IQCM: variants seen among roughly 807,000 people sequenced by gnomAD.
IQCM encodes the protein IQ motif containing M.
In IQCM, 45 loss-of-function variants were observed where a neutral mutation model predicts 57.6. The observed-to-expected ratio is 0.78, with a 90% CI of 0.62 to 1.00. The LOEUF (loss-of-function observed/expected upper bound fraction) is 1.00, where lower values mean the gene tolerates loss of function less well. Among genes scored for constraint, IQCM ranks in the 50% least tolerant of loss-of-function variants. The probability of loss-of-function intolerance (pLI) is 0.00; values close to 1 mark genes in which losing one functional copy is unlikely to be tolerated. For synonymous variants in IQCM, 148 were observed against 158.9 expected, an observed-to-expected ratio of 0.93 and a Z score of 0.51; for missense variants, 468 against 511.6, an observed-to-expected ratio of 0.91 and a Z score of 0.82.
chr4:149,492,198 T>C lies in IQCM; in HGVS notation c.1228+56257A>G, dbSNP rs567696258. Among the ~76,000 whole-genome samples, 26 of 152,236 alleles carry C rather than the reference T, an allele frequency of 1.7e-4. No homozygotes were observed. The South Asian group carries it at 4.3e-3, about 25-fold the overall frequency. ...TTTGCAAGTATTTTCTCCCATTCCA[T>C]AGGGTTTTCTCTTTACAGTGACTGC... On this transcript the variant is annotated intron_variant, in intron 12 of 13. Coordinates refer to ENST00000636793, the MANE Select transcript of IQCM (RefSeq NM_001363507.2).
chr4:149,541,635 T>G (rs1747861688), intron 12 of IQCM, among the ~76,000 whole-genome samples: 1 of 152,126 alleles, frequency 6.6e-6, no homozygotes, highest in South Asian at 2.1e-4. Context: ...CATGTTTGCA[T>G]ATTCTGCAGC....
chr4:149,469,598 A>T (rs770620015), intron 12 of IQCM, among the ~76,000 whole-genome samples: 1 of 152,220 alleles, frequency 6.6e-6, no homozygotes, highest in Non-Finnish European at 1.5e-5. Context: ...GCAGGCCAAC[A>T]TTCAATTTCA....
intron 8 of IQCM, among the ~76,000 whole-genome samples, chr4:149,615,089 G>A (rs1202667584): frequency 6.6e-6 from 1 of 151,988 alleles, no homozygotes; most frequent in Non-Finnish European, 1.5e-5. Flanking sequence ...TAAGTGCATT[G>A]ATTGTCACGT....
chr4:149,386,403 T>C (rs1365212179), intron 13 of IQCM, among the ~76,000 whole-genome samples: 1 of 152,120 alleles, frequency 6.6e-6, no homozygotes, highest in African/African-American at 2.4e-5. Flanking sequence ...TATCAATATT[T>C]TGCATTCTAA....
At chr4:149,782,277 G>A (rs540073219) in intron 2 of IQCM, among the ~76,000 whole-genome samples, 216 of 152,124 alleles carry the variant, frequency 1.4e-3, no homozygotes, top group African/African-American at 4.8e-3. Flanking sequence ...TTGCACAGAT[G>A]AAGAACTCAG....
chr4:149,356,095 G>C (rs1178495650), intron 13 of IQCM, among the ~76,000 whole-genome samples: 1 of 152,056 alleles, frequency 6.6e-6, no homozygotes, highest in East Asian at 1.9e-4. Flanking sequence ...GGGGCTGTTT[G>C]TTTTTTTCTT....
At chr4:149,474,860 C>A (rs1740008997) in intron 12 of IQCM, among the ~76,000 whole-genome samples, 1 of 151,932 alleles carries the variant, frequency 6.6e-6, no homozygotes, top group Admixed American at 6.6e-5. Flanking sequence ...GAAGAAGAAA[C>A]AGTTGGTGAA....
intron 9 of IQCM, among the ~76,000 whole-genome samples, chr4:149,575,397 C>A (rs1041094682): frequency 6.6e-6 from 1 of 151,824 alleles, no homozygotes; most frequent in Non-Finnish European, 1.5e-5. Context: ...CAGTACTTCA[C>A]GCTAGTAAAA....
At chr4:149,383,358 A>G (rs752525184) in intron 13 of IQCM, among the ~76,000 whole-genome samples, 2 of 152,142 alleles carry the variant, frequency 1.3e-5, no homozygotes, top group Non-Finnish European at 2.9e-5. Context: ...GAATACCTTA[A>G]TGGCTCTCTA....
intron 7 of IQCM, among the ~76,000 whole-genome samples, chr4:149,666,379 G>A (rs569657534): frequency 1.9e-4 from 29 of 152,208 alleles, no homozygotes; most frequent in African/African-American, 6.5e-4. Context: ...TGCTGTGAGG[G>A]ATGATGCTAT....
chr4:149,453,225 G>C (rs1366504007), intron 12 of IQCM, among the ~76,000 whole-genome samples: 4 of 151,702 alleles, frequency 2.6e-5, no homozygotes, highest in Non-Finnish European at 5.9e-5. Flanking sequence ...ATAGTCCTAA[G>C]TTTGACAGCA....
intron 13 of IQCM, among the ~76,000 whole-genome samples, chr4:149,386,767 C>A (rs1052434326): frequency 2.0e-5 from 3 of 151,924 alleles, no homozygotes; most frequent in African/African-American, 4.8e-5. Flanking sequence ...GAAATTGGGT[C>A]AGGTGTTCTA....
At chr4:149,627,776 T>C (rs1756937425) in intron 7 of IQCM, among the ~76,000 whole-genome samples, 1 of 152,160 alleles carries the variant, frequency 6.6e-6, no homozygotes. Context: ...TGTGATTAAA[T>C]TAAGGATTCT....
At chr4:149,516,879 A>G (rs554643036) in intron 12 of IQCM, among the ~76,000 whole-genome samples, 1 of 152,216 alleles carries the variant, frequency 6.6e-6, no homozygotes, top group Admixed American at 6.5e-5. Context: ...CAGGCTAAGA[A>G]GGGAGTTACA....
intron 13 of IQCM, among the ~76,000 whole-genome samples, chr4:149,381,993 G>A (rs1333478625): frequency 1.3e-5 from 2 of 152,044 alleles, no homozygotes; most frequent in East Asian, 3.9e-4. Flanking sequence ...TCGAACTTCT[G>A]ACCTCATGTG....
intron 10 of IQCM, among the ~76,000 whole-genome samples, chr4:149,562,723 T>C (rs889484996): frequency 1.3e-5 from 2 of 152,192 alleles, no homozygotes; most frequent in African/African-American, 4.8e-5. Flanking sequence ...GAGTTTTACA[T>C]GTATTATCAT....
chr4:149,416,227 C>T (rs199760077), intron 13 of IQCM, among the ~76,000 whole-genome samples: 1 of 151,810 alleles, frequency 6.6e-6, no homozygotes, highest in Non-Finnish European at 1.5e-5. Flanking sequence ...TGTCTGTCTC[C>T]CTCCCTCCCC....
chr4:149,671,458 T>G (rs1761277414), intron 7 of IQCM, among the ~76,000 whole-genome samples: 1 of 152,198 alleles, frequency 6.6e-6, no homozygotes. Context: ...TTGAAGGGTT[T>G]TTTTGTGTCT....
intron 12 of IQCM, among the ~76,000 whole-genome samples, chr4:149,519,760 T>A (rs1196884016): frequency 6.6e-6 from 1 of 151,990 alleles, no homozygotes; most frequent in African/African-American, 2.4e-5. Context: ...ATCCCAGCAC[T>A]TTGGGAGGCT....
Sources: gnomAD v4.1 joint callset for allele counts (sites outside exome capture counted in the v4.1 genomes callset) on GRCh38, gnomAD v4.1.1 for gene constraint, MANE v1.5 for transcripts, NCBI Gene and HGNC (gene_info 2026-07-23, HGNC 2026-07-21) for gene names.